EPB41L2: variants seen among roughly 807,000 people sequenced by gnomAD.
The protein encoded by EPB41L2 is band 4.1-like protein 2.
A neutral mutation model predicts 113.0 loss-of-function variants in EPB41L2; 43 were observed. That is an observed-to-expected ratio of 0.38 (90% CI 0.30 to 0.49). The LOEUF (loss-of-function observed/expected upper bound fraction) is 0.49. EPB41L2 is among the 20% of genes least tolerant of loss of function. The pLI is 0.95. For synonymous variants in EPB41L2, 442 were observed against 436.7 expected (o/e 1.01, Z -0.15); for missense variants, 1,147 against 1,223.4 (o/e 0.94, Z 0.93).
At chr6:130,848,234 C>CAA (rs1777690840) in intron 19 of EPB41L2, among the ~76,000 whole-genome samples, 1 of 140,092 alleles carries the variant, frequency 7.1e-6, no homozygotes, top group East Asian at 2.0e-4. Flanking sequence ...CACACACACA[C>CAA]ACACACACAG....
chr6:131,044,336 T>C (rs1795022958), intron 1 of EPB41L2, among the ~76,000 whole-genome samples: 1 of 152,120 alleles, frequency 6.6e-6, no homozygotes, highest in Admixed American at 6.5e-5. Context: ...AATAATGCTT[T>C]TTTGTTTAAA....
chr6:131,038,013 T>C (rs570164503), intron 1 of EPB41L2, among the ~76,000 whole-genome samples: 6 of 152,350 alleles, frequency 3.9e-5, no homozygotes, highest in Admixed American at 3.3e-4. Context: ...TTCTTGTGTA[T>C]ATACATACAA....
At chr6:130,965,602 C>T (rs1413379248) in intron 1 of EPB41L2, among the ~76,000 whole-genome samples, 4 of 148,182 alleles carry the variant, frequency 2.7e-5, no homozygotes, top group South Asian at 2.1e-4. Context: ...TTTAAATCAT[C>T]GGTCCAATGG....
In EPB41L2 at chr6:130,839,569, C is replaced by G. The variant is rs182445957; in HGVS notation, c.*1035G>C. ...GTAACCAACAGAACACCACCACAGC[C>G]CCCTCCCCCTCTCCCCAGCATCCTC... On this transcript the variant is annotated 3_prime_UTR_variant, in exon 20 of 20. Transcript: ENST00000337057. 2.6e-5 allele frequency: 4 copies of G among 152,232 alleles called. No individual in the cohort carries two copies. The highest frequency in any genetic ancestry group is 9.6e-5 in the African/African-American group (4 of 41,500). The allele number at this position is 152,232 out of a possible 1,614,324, so 9.4% of individuals were successfully genotyped here. A position where few individuals can be genotyped will look rare whatever the true frequency, so the allele number is the denominator to read the frequency against.
chr6:131,000,360 A>G (rs1562701553), intron 1 of EPB41L2, among the ~76,000 whole-genome samples: 1 of 152,180 alleles, frequency 6.6e-6, no homozygotes, highest in Non-Finnish European at 1.5e-5. Context: ...ATCCGCTCTT[A>G]TTGTTTTCTT....
intron 8 of EPB41L2, among the ~76,000 whole-genome samples, chr6:130,898,713 AT>A (rs1795383517): frequency 1.3e-5 from 2 of 152,144 alleles, no homozygotes; most frequent in Non-Finnish European, 2.9e-5. Context: ...TGCAAAAAAA[AT>A]GTATGTTACT....
chr6:131,055,255 GA>G (rs1454748119), intron 1 of EPB41L2, among the ~76,000 whole-genome samples: 1 of 152,128 alleles, frequency 6.6e-6, no homozygotes, highest in Non-Finnish European at 1.5e-5. Context: ...CACTTTAAAT[GA>G]AAGCAAAAAG....
At chr6:130,930,754 C>T (rs1291623983) in intron 3 of EPB41L2, among the ~76,000 whole-genome samples, 1 of 151,724 alleles carries the variant, frequency 6.6e-6, no homozygotes, top group Non-Finnish European at 1.5e-5. Context: ...TATTGAGAGA[C>T]ACAGTATCAG....
intron 4 of EPB41L2, among the ~76,000 whole-genome samples, chr6:130,910,533 T>G (rs1799046183): frequency 6.6e-6 from 1 of 152,136 alleles, no homozygotes; most frequent in African/African-American, 2.4e-5. Flanking sequence ...AAATGAGATC[T>G]AATTAAACTA....
chr6:130,973,073 T>C (rs933172810), intron 1 of EPB41L2, among the ~76,000 whole-genome samples: 4 of 152,022 alleles, frequency 2.6e-5, no homozygotes, highest in African/African-American at 9.6e-5. Context: ...GATCGTGCCA[T>C]TGCACTCCAG....
intron 1 of EPB41L2, among the ~76,000 whole-genome samples, chr6:131,000,044 C>T (rs1784026135): frequency 6.6e-6 from 1 of 152,094 alleles, no homozygotes; most frequent in Admixed American, 6.5e-5. Flanking sequence ...CTCACTTTTG[C>T]CAAATATACT....
chr6:130,926,367 T>C (rs181355637), intron 4 of EPB41L2, among the ~76,000 whole-genome samples: 1 of 152,330 alleles, frequency 6.6e-6, no homozygotes, highest in East Asian at 1.9e-4. Flanking sequence ...TGTCTGCTCA[T>C]GATGTAAGTG....
At chr6:130,910,098 TG>T (rs1798894545) in intron 4 of EPB41L2, among the ~76,000 whole-genome samples, 1 of 152,190 alleles carries the variant, frequency 6.6e-6, no homozygotes, top group Non-Finnish European at 1.5e-5. Context: ...AGAACAAAGC[TG>T]GAGGTATCAC....
chr6:130,951,287 A>G (rs1428345718), intron 3 of EPB41L2, among the ~76,000 whole-genome samples: 6 of 96,258 alleles, frequency 6.2e-5, no homozygotes, highest in Non-Finnish European at 1.0e-4. Flanking sequence ...GGAGGGGAGG[A>G]GAAAAAAGAT....
In EPB41L2 at chr6:130,950,236, C is replaced by T. The variant is rs73774327; in HGVS notation, c.705+4869G>A. ...GTTATCCCAAAGAAAAAGAGCAAAACGAGATGAAATGTTACAAAATAGAGA... is the reference window on the plus strand; with the variant it reads ...GTTATCCCAAAGAAAAAGAGCAAAATGAGATGAAATGTTACAAAATAGAGA... On this transcript the variant is annotated intron_variant, in intron 3 of 19. Transcript: ENST00000337057. 6.8e-3 allele frequency among the ~76,000 whole-genome samples: 1,037 copies of T among 151,930 alleles called. 22 individuals carry two copies. The highest frequency in any genetic ancestry group is 0.024 in the African/African-American group (991 of 41,412).
intron 5 of EPB41L2, among the ~76,000 whole-genome samples, chr6:130,905,921 G>A (rs1172407549): frequency 6.6e-6 from 1 of 151,966 alleles, no homozygotes; most frequent in Non-Finnish European, 1.5e-5. Context: ...GCTGGATTTT[G>A]GCTCAATGCA....
At chr6:130,925,249 C>T (rs1250430552) in intron 4 of EPB41L2, among the ~76,000 whole-genome samples, 3 of 138,578 alleles carry the variant, frequency 2.2e-5, no homozygotes, top group South Asian at 4.5e-4. Flanking sequence ...AGTGCAGTGG[C>T]GTGATCTTGG....
intron 3 of EPB41L2, among the ~76,000 whole-genome samples, chr6:130,944,172 T>TACACACACACACACACACAC (rs869217556): frequency 8.0e-6 from 1 of 125,642 alleles, no homozygotes. Flanking sequence ...TACACACACA[T>TACACACACACACACACACAC]ACACACACAC....
At chr6:131,057,523 G>A (rs1483983043) in intron 1 of EPB41L2, among the ~76,000 whole-genome samples, 1 of 152,230 alleles carries the variant, frequency 6.6e-6, no homozygotes, top group Non-Finnish European at 1.5e-5. Context: ...TCAGTAGAAT[G>A]TAGGAAACTC....
Sources: allele counts gnomAD v4.1 joint callset (sites outside exome capture counted in the v4.1 genomes callset), GRCh38; gene constraint gnomAD v4.1.1; transcripts MANE v1.5; gene names NCBI Gene and HGNC (gene_info 2026-07-23, HGNC 2026-07-21).